The following GIMAP5 variants were observed in gnomAD, a reference collection of about 807,000 sequenced individuals.
GIMAP5 encodes the protein GTPase IMAP family member 5.
GIMAP5 carries 8 observed loss-of-function variants against 9.9 expected under a neutral mutation model. The observed-to-expected ratio is 0.81, with a 90% CI of 0.47 to 1.45. GIMAP5 has a LOEUF of 1.45. Ranked by LOEUF, GIMAP5 falls within the 40% of genes most tolerant of loss-of-function variation. The pLI, the probability that GIMAP5 is intolerant of heterozygous loss-of-function variation, is 0.00. For missense variants in GIMAP5, 353 were observed against 367.4 expected, an observed-to-expected ratio of 0.96 and a Z score of 0.32; for synonymous variants, 174 against 151.4, an observed-to-expected ratio of 1.15 and a Z score of -1.09.
chr7:150,741,044 G>T, intron 2 of GIMAP5, 117 bp downstream of exon 2: 1 of 1,044,944 alleles, frequency 9.6e-7, no homozygotes, highest in South Asian at 1.4e-5. Context: ...AAATGAAGAA[G>T]ATAAAGGCAA....
Position 150,742,216 on chromosome 7 carries a change from C to T in GIMAP5, c.77C>T (p.Pro26Leu), listed in dbSNP as rs750389982. ...GAAGATAACTTGTCTGCAACACCAC[C>T]GGCATTGAGGATTATCCTAGTGGGC... ...RSEDNLSATP[P>L]ALRIILVGKT... Residue 26 changes from proline to leucine, a missense_variant, in exon 3 of 3, where the codon CCG (proline) becomes CTG (leucine). Pro to Leu is a moderately conservative substitution (Grantham distance 98). Transcript: ENST00000358647. 26 of 1,613,862 alleles carry T rather than the reference C, an allele frequency of 1.6e-5. No homozygotes were observed. Among genetic ancestry groups the T allele is most frequent in the African/African-American group, 5.3e-5 (4 of 74,886 alleles).
At chr7:150,741,083 TCACACACACACACAGA>T (rs1452144926) in intron 2 of GIMAP5, among the ~76,000 whole-genome samples, 156 bp downstream of exon 2, 1 of 151,260 alleles carries the variant, frequency 6.6e-6, no homozygotes, top group Non-Finnish European at 1.5e-5. Context: ...TATCAAACCA[TCACACACACACACAGA>T]CACACACACA....
intron 2 of GIMAP5, among the ~76,000 whole-genome samples, chr7:150,741,516 A>C (rs906295459): frequency 6.6e-6 from 1 of 152,156 alleles, no homozygotes; most frequent in African/African-American, 2.4e-5. Context: ...GAGCTTTTCA[A>C]CACACATGCT....
chr7:150,739,231 G>A (rs1797560275), intron 1 of GIMAP5: 2 of 152,170 alleles, frequency 1.3e-5, no homozygotes, highest in Admixed American at 1.3e-4. Flanking sequence ...TGTTCCAAGA[G>A]GTTTGTTGAC....
At position 150,742,312 on chromosome 7, in the gene GIMAP5, G is replaced by A. The variant is rs1006060936; in HGVS notation, c.173G>A (p.Arg58Lys). ...CAGCCCGTGTTTGAGTCCAAGCTGA[G>A]GGCCCAGTCAGTGACCAGGACGTGC... is the stretch of plus-strand genomic sequence containing the variant. ...LGQPVFESKL[R>K]AQSVTRTCQV... Residue 58 changes from arginine to lysine, a missense_variant, in exon 3 of 3, where the codon AGG becomes AAG. Arg to Lys is a conservative substitution (Grantham distance 26, BLOSUM62 2). Transcript: ENST00000358647. 3.1e-6 allele frequency: 5 copies of A among 1,614,202 alleles called. No individual in the cohort carries two copies. The highest frequency in any genetic ancestry group is 3.4e-6 in the Non-Finnish European group (4 of 1,180,030).
In GIMAP5 at chr7:150,742,775, G is replaced by T; in HGVS notation, c.636G>T (p.Arg212Ser). Reference sequence around the variant, plus strand: ...TGGCTGTGATTGAGAGGCTGGGGAGGGAGCGAGAGGGCTCCTTCCACAGCA... The same window carrying T: ...TGGCTGTGATTGAGAGGCTGGGGAGTGAGCGAGAGGGCTCCTTCCACAGCA... ...ELLAVIERLGREREGSFHSND... is the reference protein window; with the variant it reads ...ELLAVIERLGSEREGSFHSND... The change falls in exon 3 of 3, where the codon AGG becomes AGT. Residue 212 changes from arginine to serine, a missense_variant. By Grantham distance (110) the Arg-to-Ser change is moderately radical (BLOSUM62 -1). Transcript: ENST00000358647. 6.2e-7 allele frequency: 1 copy of T among 1,614,150 alleles called. No homozygotes were observed. Among genetic ancestry groups the T allele is most frequent in the Middle Eastern group, 1.7e-4 (1 of 6,058 alleles).
intron 2 of GIMAP5, among the ~76,000 whole-genome samples, chr7:150,741,921 T>A (rs984577330): frequency 6.6e-6 from 1 of 152,242 alleles, no homozygotes; most frequent in African/African-American, 2.4e-5. Context: ...AAGCTCTATT[T>A]GCCACAATCC....
chr7:150,742,264 C>A lies in GIMAP5; in HGVS notation c.125C>A (p.Ala42Asp), dbSNP rs1797607041. The A allele has an allele frequency of 6.2e-7, 1 of 1,614,062 alleles. No individual in the cohort carries two copies. Among genetic ancestry groups the A allele is most frequent in the Admixed American group, 1.7e-5 (1 of 60,012 alleles). ...GGCAAAACAGGCTGCGGGAAAAGTG[C>A]CACAGGGAACAGCATCCTTGGCCAG... is the stretch of plus-strand genomic sequence containing the variant. ...LVGKTGCGKSATGNSILGQPV... is the reference protein window; with the variant it reads ...LVGKTGCGKSDTGNSILGQPV... Residue 42 changes from alanine (A) to aspartate (D), a missense_variant, in exon 3 of 3, where the codon GCC becomes GAC. Coordinates refer to ENST00000358647, the MANE Select transcript of GIMAP5 (RefSeq NM_018384.5).
chr7:150,741,007 A>T, intron 2 of GIMAP5, 80 bp downstream of exon 2: 1 of 1,460,192 alleles, frequency 6.8e-7, no homozygotes, highest in Non-Finnish European at 9.5e-7. Flanking sequence ...CCCATCTAAA[A>T]CACAGTGGCA....
At chr7:150,737,805 T>A in intron 1 of GIMAP5, 97 bp downstream of exon 1, 3 of 989,106 alleles carry the variant, frequency 3.0e-6, no homozygotes, top group African/African-American at 1.6e-5. Context: ...CTTGCACAGA[T>A]CCCCTCACTT....
chr7:150,739,517 C>T (rs1797564221), intron 1 of GIMAP5: 2 of 152,232 alleles, frequency 1.3e-5, no homozygotes, highest in Admixed American at 1.3e-4. Flanking sequence ...TAATCAATAT[C>T]ATTACCACTG....
chr7:150,742,457 C>T lies in GIMAP5; in HGVS notation c.318C>T (p.Leu106=), dbSNP rs769667762. 9 of 1,614,092 alleles carry T rather than the reference C, an allele frequency of 5.6e-6. No individual in the cohort carries two copies. Among genetic ancestry groups the T allele is most frequent in the Non-Finnish European group, 7.6e-6 (9 of 1,180,052 alleles). The part of the protein sequence containing the change: ...LYKNIGDCYL[L]SAPGPHVLLL... ...AGAACATCGGGGACTGCTACCTGCT[C>T]TCTGCCCCGGGGCCCCACGTCCTGC... The change falls in exon 3 of 3, where the codon CTC becomes CTT. Residue 106 remains leucine (L), a synonymous_variant. Transcript: ENST00000358647.
chr7:150,742,824 C>T lies in GIMAP5; in HGVS notation c.685C>T (p.Leu229=), dbSNP rs748105968. The T allele has an allele frequency of 6.8e-6, 11 of 1,614,028 alleles. No homozygotes were observed. The highest frequency in any genetic ancestry group is 7.6e-6 in the Non-Finnish European group (9 of 1,180,032). ...HSNDLFLDAQ[L]LQRTGAGACQ... ...CAATGACCTCTTCTTGGATGCCCAG[C>T]TGCTCCAAAGAACTGGAGCTGGGGC... Residue 229 remains leucine (L), a synonymous_variant, in exon 3 of 3, where the codon CTG becomes TTG. Transcript: ENST00000358647.
intron 1 of GIMAP5, chr7:150,740,309 A>G (rs1797575715): frequency 6.5e-6 from 1 of 153,372 alleles, no homozygotes; most frequent in Non-Finnish European, 1.4e-5. Context: ...CGGTCCCCCT[A>G]TACCATTTCC....
Position 150,742,544 on chromosome 7 carries a change from AGAG to A in GIMAP5, c.407_409del (p.Glu136del). 1.2e-6 allele frequency: 2 copies of A among 1,614,134 alleles called. No homozygotes were observed. Among genetic ancestry groups the A allele is most frequent in the Non-Finnish European group, 1.7e-6 (2 of 1,180,010 alleles). On this transcript the variant is annotated inframe_deletion, in exon 3 of 3. Transcript: ENST00000358647. ...ACACAGTGGCCATCAGGAAGGTGAA[AGAG>A]GTCTTTGGGACAGGGGCCATGAGAC...
At chr7:150,740,992 C>T in intron 2 of GIMAP5, 65 bp downstream of exon 2, 1 of 1,561,092 alleles carries the variant, frequency 6.4e-7, no homozygotes, top group Admixed American at 1.7e-5. Flanking sequence ...CTCTCCCCAT[C>T]TACCCCCATC....
chr7:150,737,680 T>C lies in GIMAP5; in HGVS notation c.-35T>C, dbSNP rs1419619521. 5.2e-6 allele frequency: 8 copies of C among 1,535,576 alleles called. No homozygotes were observed. The highest frequency in any genetic ancestry group is 3.9e-5 in the Admixed American group (2 of 50,984). On this transcript the variant is annotated 5_prime_UTR_variant, in exon 1 of 3. Transcript: ENST00000358647. ...GCCAGAGCCTCAGTGACTGCCACCC[T>C]GGAGGACAGGGCACAACAACCGTTT...
At position 150,742,389 on chromosome 7, in the gene GIMAP5, C is replaced by T; in HGVS notation, c.250C>T (p.Pro84Ser). ...NGRKVLVVDT[P>S]SIFESQADTQ... ...GAGGAAAGTCCTGGTGGTTGACACG[C>T]CCTCCATCTTTGAGTCACAGGCCGA... is the stretch of plus-strand genomic sequence containing the variant. The change falls in exon 3 of 3, where the codon CCC becomes TCC. Residue 84 changes from proline (P) to serine (S), a missense_variant. Coordinates refer to ENST00000358647, the MANE Select transcript of GIMAP5 (RefSeq NM_018384.5). 1 of 1,614,110 alleles carries T rather than the reference C, an allele frequency of 6.2e-7. No homozygotes were observed. The highest frequency in any genetic ancestry group is 8.5e-7 in the Non-Finnish European group (1 of 1,180,004).
rs1216951835 is a variant in GIMAP5, at chr7:150,742,738, A to G, written c.599A>G (p.Gln200Arg). ...TCTGTGGAGGAGCAGAGGCAGCAGC[A>G]GGCAGAGCTCCTGGCTGTGATTGAG... ...WGSVEEQRQQ[Q>R]AELLAVIERL... The change falls in exon 3 of 3, where the codon CAG becomes CGG. Residue 200 changes from glutamine (Q) to arginine (R), a missense_variant. Gln to Arg is a conservative substitution (Grantham distance 43, BLOSUM62 1). Coordinates refer to ENST00000358647, the MANE Select transcript of GIMAP5 (RefSeq NM_018384.5). The G allele has an allele frequency of 1.2e-6, 2 of 1,614,212 alleles. No individual in the cohort carries two copies. The highest frequency in any genetic ancestry group is 1.7e-5 in the Admixed American group (1 of 60,026).
Sources: gnomAD v4.1 joint callset for allele counts (sites outside exome capture counted in the v4.1 genomes callset) on GRCh38, gnomAD v4.1.1 for gene constraint, MANE v1.5 for transcripts, NCBI Gene and HGNC (gene_info 2026-07-23, HGNC 2026-07-21) for gene names.